The following GINS2 variants were observed in gnomAD, a reference collection of about 807,000 sequenced individuals.
GINS2 encodes DNA replication complex GINS protein PSF2.
GINS2 carries 23 observed loss-of-function variants against 21.2 expected under a neutral mutation model. The observed-to-expected ratio is 1.08, with a 90% CI of 0.78 to 1.53. The LOEUF (loss-of-function observed/expected upper bound fraction) is 1.53. Ranked by LOEUF, GINS2 falls within the 40% of genes most tolerant of loss-of-function variation. The pLI is 0.00. For missense variants in GINS2, 323 were observed against 233.9 expected (o/e 1.38, Z -2.49); for synonymous variants, 118 against 85.6 (o/e 1.38, Z -2.09).
Position 85,678,356 on chromosome 16 carries a change from C to T in GINS2, c.433-19G>A, listed in dbSNP as rs946872349. ...TATCCAGCTAAAGCAAGAAAACAGACCAAGTTGGCCAAGGAGTTTTTGATT... is the reference window on the plus strand; with the variant it reads ...TATCCAGCTAAAGCAAGAAAACAGATCAAGTTGGCCAAGGAGTTTTTGATT... On this transcript the variant is annotated intron_variant, in intron 4 of 4. Transcript: ENST00000253462. The T allele has an allele frequency of 1.2e-6, 2 of 1,612,922 alleles. No homozygotes were observed. Among genetic ancestry groups the T allele is most frequent in the South Asian group, 2.2e-5 (2 of 90,864 alleles).
chr16:85,678,724 G>A (rs1173938580), intron 3 of GINS2, 58 bp from the exon 4 acceptor site: 124 of 1,543,698 alleles, frequency 8.0e-5, no homozygotes, highest in Non-Finnish European at 1.1e-4. Context: ...AGGCAATGCT[G>A]GATAGAGTGG....
intron 4 of GINS2, 52 bp downstream of exon 4, chr16:85,678,488 G>A (rs1052718028): frequency 1.2e-5 from 19 of 1,597,716 alleles, no homozygotes; most frequent in African/African-American, 2.7e-5. Flanking sequence ...CGGGAGCCAT[G>A]TGAAATTATG....
At chr16:85,682,220 G>T (rs539123494) in intron 2 of GINS2, among the ~76,000 whole-genome samples, 48 of 151,992 alleles carry the variant, frequency 3.2e-4, no homozygotes, top group African/African-American at 1.1e-3. Flanking sequence ...TCACTATGTT[G>T]CCCAGGCTGG....
Position 85,688,870 on chromosome 16 carries a change from G to A in GINS2, c.29C>T (p.Ala10Val), listed in dbSNP as rs1217618886. 3 of 1,542,182 alleles carry A rather than the reference G, an allele frequency of 1.9e-6. No homozygotes were observed. The highest frequency in any genetic ancestry group is 1.8e-6 in the Non-Finnish European group (2 of 1,142,532). The change falls in exon 1 of 5, where the codon GCC becomes GTC. Residue 10 changes from alanine (A) to valine (V), a missense_variant. Physicochemically the swap from Ala to Val is moderately conservative, Grantham distance 64. Coordinates refer to ENST00000253462, the MANE Select transcript of GINS2 (RefSeq NM_016095.3). MDAAEVEFL[A>V]EKELVTIIPN... is the part of the protein sequence containing the mutation. ...GATAATGGTAACCAGCTCCTTCTCG[G>A]CGAGGAATTCGACCTCGGCAGCGTC... is the stretch of plus-strand genomic sequence containing the variant.
rs1465508660 is a variant in GINS2 at position 85,688,899 on chromosome 16, G to T, written c.-1C>A. The T allele has an allele frequency of 6.5e-7, 1 of 1,536,138 alleles. No homozygotes were observed. Among genetic ancestry groups the T allele is most frequent in the Non-Finnish European group, 8.8e-7 (1 of 1,139,358 alleles). On this transcript the variant is annotated 5_prime_UTR_variant, in exon 1 of 5. Transcript: ENST00000253462. Reference sequence around the variant, plus strand: ...GGAATTCGACCTCGGCAGCGTCCATGGCGGCGCGAGCTGCAGGCCAGAGCC... The same window carrying T: ...GGAATTCGACCTCGGCAGCGTCCATTGCGGCGCGAGCTGCAGGCCAGAGCC...
chr16:85,686,677 G>C (rs2053780366), intron 2 of GINS2, among the ~76,000 whole-genome samples: 1 of 152,166 alleles, frequency 6.6e-6, no homozygotes, highest in East Asian at 1.9e-4. Flanking sequence ...ATGATACAGT[G>C]TGCGGCCTTT....
intron 3 of GINS2, 27 bp from the exon 4 acceptor site, chr16:85,678,693 C>T (rs753347888): frequency 7.0e-5 from 113 of 1,606,736 alleles, no homozygotes; most frequent in East Asian, 1.3e-4. Context: ...TAAAGTCAGT[C>T]GGGGAACACT....
chr16:85,682,047 T>C (rs2053738282), intron 2 of GINS2, among the ~76,000 whole-genome samples: 1 of 101,428 alleles, frequency 9.9e-6, no homozygotes, highest in Admixed American at 9.8e-5. Context: ...TTTTTTTTTT[T>C]TGAGAGGGTC....
At position 85,678,546 on chromosome 16, in the gene GINS2, ATG is replaced by A. The variant is rs1407959515; in HGVS notation, c.424_425del (p.His142CysfsTer5). On this transcript the variant is annotated frameshift_variant, in exon 4 of 5. Transcript: ENST00000253462. LOFTEE classifies it high-confidence loss of function. ...CAGGCAAGGCGGCACCTACCTTGGC[ATG>A]TGCCTCCTGCTGTCTCACAAAGCTG... Reference protein sequence around the residue: ...ADSFVRQQEAHAKLDNLTLME... With the variant: ...ADSFVRQQEAXAKLDNLTLME... 2 of 1,613,204 alleles carry A rather than the reference ATG, an allele frequency of 1.2e-6. No individual in the cohort carries two copies. The highest frequency in any genetic ancestry group is 4.5e-5 in the East Asian group (2 of 44,876).
chr16:85,684,608 T>A (rs1300916855), intron 2 of GINS2, among the ~76,000 whole-genome samples: 1 of 151,630 alleles, frequency 6.6e-6, no homozygotes, highest in Non-Finnish European at 1.5e-5. Flanking sequence ...TGAAAGAACA[T>A]AGCCAGGTGG....
intron 3 of GINS2, among the ~76,000 whole-genome samples, chr16:85,680,898 C>G (rs992207989): frequency 6.6e-6 from 1 of 152,220 alleles, no homozygotes; most frequent in East Asian, 1.9e-4. Context: ...AGGCTGTACA[C>G]TGCTTGAACA....
In GINS2 at chr16:85,678,218, G is replaced by T. The variant is rs754172141; in HGVS notation, c.552C>A (p.Asp184Glu). Residue 184 changes from aspartate (D) to glutamate (E), a missense_variant, in exon 5 of 5, where the codon GAC (aspartate) becomes GAA (glutamate). Transcript: ENST00000253462. ...GCCTGCACCAGGCCTTTCTCTAGAAGTCCTGAGACTGAGTACTCTCCAGAG... is the reference window on the plus strand; with the variant it reads ...GCCTGCACCAGGCCTTTCTCTAGAATTCCTGAGACTGAGTACTCTCCAGAG... Reference protein sequence around the residue: ...LQPLESTQSQDF With the variant: ...LQPLESTQSQEF 1.2e-6 allele frequency: 2 copies of T among 1,613,340 alleles called. No individual in the cohort carries two copies. The highest frequency in any genetic ancestry group is 1.7e-6 in the Non-Finnish European group (2 of 1,179,858).
chr16:85,677,980 G>A lies in GINS2; in HGVS notation c.*232C>T, dbSNP rs984068569. 4.5e-5 allele frequency: 21 copies of A among 462,968 alleles called. No homozygotes were observed. The highest frequency in any genetic ancestry group is 1.2e-4 in the East Asian group (3 of 25,738). The allele number at this position is 462,968 out of a possible 1,614,324, so 28.7% of individuals were successfully genotyped here. ...GCTTTTTTATTTCTCAAAAGTGGGG[G>A]GAAAAAGGGCTGGTTTCTAGAAACA... On this transcript the variant is annotated 3_prime_UTR_variant, in exon 5 of 5. Transcript: ENST00000253462.
intron 2 of GINS2, among the ~76,000 whole-genome samples, chr16:85,683,748 C>A (rs60676374): frequency 6.6e-6 from 1 of 152,114 alleles, no homozygotes; most frequent in East Asian, 1.9e-4. Flanking sequence ...CACCAACCTT[C>A]TCTACACAGC....
Position 85,678,590 on chromosome 16 carries a change from G to A in GINS2, c.382C>T (p.Leu128Phe). 1 of 1,613,884 alleles carries A rather than the reference G, an allele frequency of 6.2e-7. No individual in the cohort carries two copies. Among genetic ancestry groups the A allele is most frequent in the Non-Finnish European group, 8.5e-7 (1 of 1,179,830 alleles). ...KDMWDTRIAK[L>F]RVSADSFVRQ... is the part of the protein sequence containing the mutation. ...ACAAAGCTGTCAGCAGACACTCGGAGTTTGGCTATACGAGTGTCCCACATA... is the reference window on the plus strand; with the variant it reads ...ACAAAGCTGTCAGCAGACACTCGGAATTTGGCTATACGAGTGTCCCACATA... The change falls in exon 4 of 5, where the codon CTC becomes TTC. Residue 128 changes from leucine (L) to phenylalanine (F), a missense_variant. Transcript: ENST00000253462.
chr16:85,686,348 G>A (rs899637727), intron 2 of GINS2, among the ~76,000 whole-genome samples: 20 of 152,042 alleles, frequency 1.3e-4, no homozygotes, highest in Admixed American at 9.8e-4. Flanking sequence ...AACCCAGGAG[G>A]TGGAGCTTGC....
chr16:85,686,134 A>C (rs1167830760), intron 2 of GINS2, among the ~76,000 whole-genome samples: 1 of 152,238 alleles, frequency 6.6e-6, no homozygotes, highest in African/African-American at 2.4e-5. Flanking sequence ...TTATTGAAGC[A>C]TAATTAATAT....
In GINS2 at chr16:85,678,619, T is replaced by C. The variant is rs201849877; in HGVS notation, c.353A>G (p.Lys118Arg). 5.0e-6 allele frequency: 8 copies of C among 1,613,888 alleles called. No individual in the cohort carries two copies. Among genetic ancestry groups the C allele is most frequent in the East Asian group, 2.2e-5 (1 of 44,888 alleles). Residue 118 changes from lysine (K) to arginine (R), a missense_variant, in exon 4 of 5, where the codon AAG (lysine) becomes AGG (arginine). Lys to Arg is a conservative substitution (Grantham distance 26). Transcript: ENST00000253462. ...GGCTATACGAGTGTCCCACATATCC[T>C]TGACCAGGGTCCGGATTTCGTCTGC... ...PKADEIRTLVKDMWDTRIAKL... is the reference protein window; with the variant it reads ...PKADEIRTLVRDMWDTRIAKL...
intron 3 of GINS2, among the ~76,000 whole-genome samples, chr16:85,680,929 G>C (rs1049070057): frequency 2.0e-5 from 3 of 152,246 alleles, no homozygotes; most frequent in Admixed American, 6.5e-5. Context: ...GTAGACGAGA[G>C]GGAAGACAGG....
Sources: allele counts gnomAD v4.1 joint callset (sites outside exome capture counted in the v4.1 genomes callset), GRCh38; gene constraint gnomAD v4.1.1; transcripts MANE v1.5; gene names NCBI Gene and HGNC (gene_info 2026-07-23, HGNC 2026-07-21).